Variants in FAM120B observed in about 807,000 individuals in gnomAD.
FAM120B encodes constitutive coactivator of peroxisome proliferator-activated receptor gamma.
FAM120B carries 83 observed loss-of-function variants against 96.3 expected under a neutral mutation model. The observed-to-expected ratio is 0.86, with a 90% confidence interval of 0.72 to 1.03. The LOEUF (loss-of-function observed/expected upper bound fraction) is 1.03. FAM120B is among the 50% of genes least tolerant of loss of function. The pLI is 0.00. For missense variants in FAM120B, 1,027 were observed against 1,121.2 expected (o/e 0.92, Z 1.20); for synonymous variants, 407 against 402.7 (o/e 1.01, Z -0.13).
chr6:170,295,888 G>A lies in FAM120B; in HGVS notation c.48+435G>A, dbSNP rs775810977. On this transcript the variant is annotated intron_variant, in intron 1 of 10. Coordinates refer to the FAM120B transcript ENST00000537664. The surrounding 1 kb of genome is among the most constrained non-coding windows in gnomAD (Gnocchi z 7.8). ...CGAGGCCAGGCCCGCTGCGAGCAGC[G>A]GAGGCATGTGCTGATTTGCATGAGA... 6.6e-6 allele frequency among the ~76,000 whole-genome samples: 1 copy of A among 152,076 alleles called. No individual in the cohort carries two copies. Among genetic ancestry groups the A allele is most frequent in the African/African-American group, 2.4e-5 (1 of 41,436 alleles).
Position 170,404,765 on chromosome 6 carries a change from A to G in FAM120B, c.*14A>G. ...CAAAACACTCTTGCTTCCTCCAGAAAGAGTATGGAGAGAAAAAGAGGCACA... is the reference window on the plus strand; with the variant it reads ...CAAAACACTCTTGCTTCCTCCAGAAGGAGTATGGAGAGAAAAAGAGGCACA... On this transcript the variant is annotated splice_region_variant and 3_prime_UTR_variant, in exon 11 of 11. Coordinates refer to ENST00000476287, the MANE Select transcript of FAM120B (RefSeq NM_032448.3). The G allele has an allele frequency of 1.6e-6, 1 of 616,410 alleles. No homozygotes were observed. The highest frequency in any genetic ancestry group is 2.0e-5 in the South Asian group (1 of 50,030). The allele number at this position is 616,410 out of a possible 1,614,324, so 38.2% of individuals were successfully genotyped here. A position where few individuals can be genotyped will look rare whatever the true frequency, so the allele number is the denominator to read the frequency against.
chr6:170,363,015 T>G lies in FAM120B; in HGVS notation c.2283+4697T>G, dbSNP rs1788561895. On this transcript the variant is annotated intron_variant, in intron 6 of 10. Transcript: ENST00000476287. The surrounding 1 kb of genome is among the most constrained non-coding windows in gnomAD (Gnocchi z 4.5). ...ATTTTATAAATGAGCTCTTGCTCTC[T>G]TTTTGGAGAAAAAGCCGAGAAATTC... 6.6e-6 allele frequency among the ~76,000 whole-genome samples: 1 copy of G among 152,188 alleles called. No individual in the cohort carries two copies. Among genetic ancestry groups the G allele is most frequent in the African/African-American group, 2.4e-5 (1 of 41,444 alleles).
chr6:170,327,869 G>A (rs536273897), intron 3 of FAM120B, among the ~76,000 whole-genome samples: 5 of 148,900 alleles, frequency 3.4e-5, no homozygotes, highest in African/African-American at 9.9e-5. Flanking sequence ...CAGTGGGAAG[G>A]CCAGGACATG....
At chr6:170,327,750 G>A (rs1785700069) in intron 3 of FAM120B, among the ~76,000 whole-genome samples, 1 of 148,850 alleles carries the variant, frequency 6.7e-6, no homozygotes, top group South Asian at 2.1e-4. Context: ...GAGTCCATGA[G>A]TGAATGAAGA....
intron 1 of FAM120B, among the ~76,000 whole-genome samples, chr6:170,307,192 A>G (rs1784343689): frequency 6.6e-6 from 1 of 152,090 alleles, no homozygotes; most frequent in Admixed American, 6.5e-5. Flanking sequence ...TTTGGCTCCT[A>G]TATGTCATTT....
At chr6:170,396,321 G>A (rs542619607) in intron 9 of FAM120B, among the ~76,000 whole-genome samples, 19 of 152,296 alleles carry the variant, frequency 1.2e-4, no homozygotes, top group Non-Finnish European at 2.5e-4. Context: ...TCTGTCTCGG[G>A]TGGAGTCTGC....
intron 5 of FAM120B, among the ~76,000 whole-genome samples, chr6:170,351,964 TA>T (rs2084783893): frequency 6.6e-6 from 1 of 152,146 alleles, no homozygotes; most frequent in Admixed American, 6.5e-5. Flanking sequence ...GTAAATGGGC[TA>T]AATGCCCCAG....
Position 170,317,865 on chromosome 6 carries a change from G to C in FAM120B, c.475G>C (p.Ala159Pro), listed in dbSNP as rs780725538. The change falls in exon 2 of 11, where the codon GCA (alanine) becomes CCA (proline). Residue 159 changes from alanine (A) to proline (P), a missense_variant. This residue lies in a region of FAM120B where 880 missense variants were observed against 980.9 expected (regional missense o/e 0.90). Transcript: ENST00000476287. ...GQETLCSLQE[A>P]DYEVASYGLQ... is the part of the protein sequence containing the mutation. Reference sequence around the variant, plus strand: ...GGAAACTTTGTGTTCTTTGCAGGAAGCAGATTATGAGGTAGCTTCCTATGG... The same window carrying C: ...GGAAACTTTGTGTTCTTTGCAGGAACCAGATTATGAGGTAGCTTCCTATGG... The C allele has an allele frequency of 6.2e-7, 1 of 1,614,242 alleles. No individual in the cohort carries two copies. The highest frequency in any genetic ancestry group is 1.1e-5 in the South Asian group (1 of 91,090).
chr6:170,317,294 A>G, intron 1 of FAM120B, 76 bp from the exon 2 acceptor site: 1 of 1,143,186 alleles, frequency 8.7e-7, no homozygotes, highest in Non-Finnish European at 1.3e-6. Context: ...AATATTAACT[A>G]CTGTGTTTGC....
rs1454973575 is a variant in FAM120B at position 170,405,779 on chromosome 6, G to A, written c.*1028G>A. ...ATGACAGCATGTGTGTGACTCCTGT[G>A]TCTGTTTCTGTGGGGTCATCCCTTT... On this transcript the variant is annotated 3_prime_UTR_variant, in exon 11 of 11. Transcript: ENST00000476287. 1 of 152,216 alleles carries A rather than the reference G, an allele frequency of 6.6e-6. No homozygotes were observed. The highest frequency in any genetic ancestry group is 1.5e-5 in the Non-Finnish European group (1 of 68,044). The allele number at this position is 152,216 out of a possible 1,614,324, so 9.4% of individuals were successfully genotyped here. A position where few individuals can be genotyped will look rare whatever the true frequency, so the allele number is the denominator to read the frequency against.
chr6:170,396,972 G>T (rs910864563), intron 9 of FAM120B, among the ~76,000 whole-genome samples: 4 of 152,268 alleles, frequency 2.6e-5, no homozygotes, highest in Admixed American at 2.0e-4. Flanking sequence ...TGCATGTGCT[G>T]TGGCTTTCCA....
chr6:170,329,892 G>C (rs1422580144), intron 3 of FAM120B, among the ~76,000 whole-genome samples: 14 of 152,120 alleles, frequency 9.2e-5, no homozygotes, highest in Admixed American at 2.0e-4. Flanking sequence ...CCGCATCGAA[G>C]CCCTCTGCCC....
chr6:170,374,366 C>T (rs1301527155), intron 6 of FAM120B, among the ~76,000 whole-genome samples: 1 of 152,214 alleles, frequency 6.6e-6, no homozygotes, highest in Admixed American at 6.5e-5. Context: ...ATGAACCTGA[C>T]AGAAGTCGGT....
chr6:170,384,053 C>T (rs984824219), intron 6 of FAM120B, among the ~76,000 whole-genome samples: 1 of 152,202 alleles, frequency 6.6e-6, no homozygotes, highest in African/African-American at 2.4e-5. Context: ...TCACATATTA[C>T]ATGATTCTAT....
intron 1 of FAM120B, among the ~76,000 whole-genome samples, chr6:170,300,988 G>C (rs1784128895): frequency 1.3e-5 from 2 of 152,188 alleles, no homozygotes; most frequent in South Asian, 4.1e-4. Flanking sequence ...TACCATTCTA[G>C]GGTCTGGACA....
At chr6:170,322,189 C>T (rs1785334557) in intron 2 of FAM120B, among the ~76,000 whole-genome samples, 1 of 152,384 alleles carries the variant, frequency 6.6e-6, no homozygotes, top group African/African-American at 2.4e-5. Context: ...AGAGGAGAAG[C>T]ACCTGTGCCT....
At chr6:170,344,845 T>G (rs1787074498) in intron 4 of FAM120B, among the ~76,000 whole-genome samples, 1 of 152,212 alleles carries the variant, frequency 6.6e-6, no homozygotes, top group Non-Finnish European at 1.5e-5. Flanking sequence ...GTGCTCCTAT[T>G]GCACTTGGGA....
Position 170,404,791 on chromosome 6 carries a change from C to A in FAM120B, c.*40C>A. 1 of 589,012 alleles carries A rather than the reference C, an allele frequency of 1.7e-6. No individual in the cohort carries two copies. Among genetic ancestry groups the A allele is most frequent in the Non-Finnish European group, 3.0e-6 (1 of 333,106 alleles). The allele number at this position is 589,012 out of a possible 1,614,324, so 36.5% of individuals were successfully genotyped here. A position where few individuals can be genotyped will look rare whatever the true frequency, so the allele number is the denominator to read the frequency against. On this transcript the variant is annotated 3_prime_UTR_variant, in exon 11 of 11. Coordinates refer to ENST00000476287, the MANE Select transcript of FAM120B (RefSeq NM_032448.3). ...GAGTATGGAGAGAAAAAGAGGCACA[C>A]CTGGACGCAGAGCCCTGCCAGCGCC...
intron 6 of FAM120B, among the ~76,000 whole-genome samples, chr6:170,372,286 A>G (rs532132658): frequency 6.6e-6 from 1 of 152,292 alleles, no homozygotes; most frequent in East Asian, 1.9e-4. Flanking sequence ...TACATACACT[A>G]TTTTAATTAT....
Sources: gnomAD v4.1 joint callset for allele counts (sites outside exome capture counted in the v4.1 genomes callset) on GRCh38, gnomAD v4.1.1 for gene constraint, gnomAD v4.1.1 regional missense constraint, Gnocchi (gnomAD v3.1) non-coding constraint, MANE v1.5 for transcripts, NCBI Gene and HGNC (gene_info 2026-07-23, HGNC 2026-07-21) for gene names.